The following ESRP1 variants were observed in gnomAD, a reference collection of about 807,000 sequenced individuals.
The protein encoded by ESRP1 is RNA-binding motif protein 35A.
In ESRP1, 33 loss-of-function variants were observed where a neutral mutation model predicts 81.7. The ratio of observed to expected loss-of-function variants is 0.40; its 90% CI spans 0.31 to 0.54. The LOEUF (loss-of-function observed/expected upper bound fraction) is 0.54, where lower values mean the gene tolerates loss of function less well. Ranked by LOEUF, ESRP1 falls within the 20% of genes least tolerant of loss-of-function variation. The pLI is 0.41. For missense variants in ESRP1, 672 were observed against 833.1 expected (o/e 0.81, Z 2.38); for synonymous variants, 320 against 303.3 (o/e 1.06, Z -0.57).
At chr8:94,662,463 A>G in intron 5 of ESRP1, 38 bp from the exon 6 acceptor site, 2 of 1,576,488 alleles carry the variant, frequency 1.3e-6, no homozygotes, top group South Asian at 2.3e-5. Flanking sequence ...TTGTCTCCCT[A>G]ATCACTAAAA....
At chr8:94,643,552 T>A in intron 3 of ESRP1, 136 bp downstream of exon 3, 1 of 568,906 alleles carries the variant, frequency 1.8e-6, no homozygotes, top group Non-Finnish European at 3.1e-6. Flanking sequence ...AGTACAGAAT[T>A]TCAGTTTGGG....
intron 3 of ESRP1, among the ~76,000 whole-genome samples, chr8:94,643,764 G>C (rs370496706): frequency 6.6e-6 from 1 of 151,954 alleles, no homozygotes; most frequent in South Asian, 2.1e-4. Flanking sequence ...TCCCTTTTCC[G>C]AAGCTAATAC....
chr8:94,658,068 C>T (rs1027722027), intron 4 of ESRP1, among the ~76,000 whole-genome samples: 10 of 152,148 alleles, frequency 6.6e-5, no homozygotes, highest in African/African-American at 2.4e-4. Context: ...TCCGCCACCA[C>T]ATCCGGCTAA....
chr8:94,672,871 G>A lies in ESRP1; in HGVS notation c.1452+1200G>A, dbSNP rs543583569. 6.6e-5 allele frequency among the ~76,000 whole-genome samples: 10 copies of A among 152,292 alleles called. No individual in the cohort carries two copies. In the East Asian group the frequency reaches 1.9e-3, roughly 29 times the overall value. ...TAAATGCAAAGCTGTATTAATTTTT[G>A]AAAATGTTTTCTGAGGATTAAGGGT... On this transcript the variant is annotated intron_variant, in intron 11 of 15. Coordinates refer to ENST00000433389, the MANE Select transcript of ESRP1 (RefSeq NM_017697.4).
chr8:94,641,613 T>A, intron 1 of ESRP1, 163 bp downstream of exon 1: 1 of 981,320 alleles, frequency 1.0e-6, no homozygotes, highest in Non-Finnish European at 1.5e-6. Context: ...ACCAAACTTA[T>A]TGGCCAACTG....
intron 4 of ESRP1, among the ~76,000 whole-genome samples, chr8:94,654,973 G>A (rs897838288): frequency 2.6e-5 from 4 of 151,688 alleles, no homozygotes; most frequent in Admixed American, 2.0e-4. Context: ...TAAAACTAAG[G>A]TTGTATTCAA....
chr8:94,689,359 A>G (rs931609893), intron 13 of ESRP1, among the ~76,000 whole-genome samples: 56 of 151,470 alleles, frequency 3.7e-4, no homozygotes, highest in African/African-American at 1.3e-3. Flanking sequence ...TCAGTGTGCA[A>G]CTCTTGCACT....
intron 13 of ESRP1, among the ~76,000 whole-genome samples, chr8:94,690,549 A>G (rs1432671187): frequency 6.6e-6 from 1 of 152,186 alleles, no homozygotes; most frequent in Non-Finnish European, 1.5e-5. Context: ...TGTGAAAAAT[A>G]AGGATAAGAA....
At chr8:94,658,448 T>C (rs936357905) in intron 4 of ESRP1, among the ~76,000 whole-genome samples, 1 of 152,120 alleles carries the variant, frequency 6.6e-6, no homozygotes, top group African/African-American at 2.4e-5. Flanking sequence ...TAGCATAACA[T>C]TTTAGGAATA....
intron 11 of ESRP1, 59 bp downstream of exon 11, chr8:94,671,730 T>C (rs1819339912): frequency 1.7e-6 from 2 of 1,166,382 alleles, no homozygotes. Context: ...ATGAGAAATA[T>C]CTAATATTAG....
At chr8:94,690,938 A>G (rs1041503987) in intron 13 of ESRP1, among the ~76,000 whole-genome samples, 3 of 152,198 alleles carry the variant, frequency 2.0e-5, no homozygotes, top group African/African-American at 7.2e-5. Flanking sequence ...AAAGTAATGA[A>G]CCAGAAGTCA....
At chr8:94,667,686 A>G (rs893842434) in intron 9 of ESRP1, among the ~76,000 whole-genome samples, 2 of 152,212 alleles carry the variant, frequency 1.3e-5, no homozygotes, top group Non-Finnish European at 2.9e-5. Context: ...CTGTGCCTTT[A>G]ACTACCACAA....
chr8:94,649,793 G>T (rs561348344), intron 4 of ESRP1, among the ~76,000 whole-genome samples: 22 of 152,252 alleles, frequency 1.4e-4, no homozygotes, highest in Non-Finnish European at 2.6e-4. Flanking sequence ...GATTACAGGC[G>T]TGAGCCACTG....
intron 2 of ESRP1, 62 bp downstream of exon 2, chr8:94,642,146 C>T: frequency 6.4e-7 from 1 of 1,566,970 alleles, no homozygotes; most frequent in Admixed American, 1.7e-5. Context: ...CACCCTACGC[C>T]CTCTCAGGGC....
intron 13 of ESRP1, chr8:94,688,302 T>A (rs1223740439): frequency 3.9e-5 from 7 of 180,044 alleles, no homozygotes; most frequent in Non-Finnish European, 8.2e-5. Context: ...AAACATCAGG[T>A]TCTTAGAAGG....
At chr8:94,655,711 T>G (rs73263294) in intron 4 of ESRP1, among the ~76,000 whole-genome samples, 1 of 151,882 alleles carries the variant, frequency 6.6e-6, no homozygotes, top group South Asian at 2.1e-4. Context: ...GACCATCTGG[T>G]GAAACCCTGT....
At chr8:94,705,793 A>C (rs1810045942) in intron 15 of ESRP1, 132 bp from the exon 16 acceptor site, 1 of 765,324 alleles carries the variant, frequency 1.3e-6, no homozygotes, top group Non-Finnish European at 2.1e-6. Flanking sequence ...GTGAAATAAT[A>C]ACTTGGACCA....
intron 9 of ESRP1, 100 bp downstream of exon 9, chr8:94,665,296 T>A (rs1375058988): frequency 8.6e-7 from 1 of 1,164,534 alleles, no homozygotes; most frequent in Admixed American, 2.2e-5. Context: ...ATGAATGGTT[T>A]TTATTTTCTA....
chr8:94,662,030 G>A (rs1250500816), intron 4 of ESRP1, among the ~76,000 whole-genome samples: 1 of 152,130 alleles, frequency 6.6e-6, no homozygotes, highest in Non-Finnish European at 1.5e-5. Flanking sequence ...TGCTACAACT[G>A]GGTAAATAAA....
Sources: allele counts gnomAD v4.1 joint callset (sites outside exome capture counted in the v4.1 genomes callset), GRCh38; gene constraint gnomAD v4.1.1; transcripts MANE v1.5; gene names NCBI Gene and HGNC (gene_info 2026-07-23, HGNC 2026-07-21).